ELP2: variants seen among roughly 807,000 people sequenced by gnomAD.
The protein encoded by ELP2 is elongator acetyltransferase complex subunit 2.
ELP2 carries 90 observed loss-of-function variants against 119.2 expected under a neutral mutation model. The ratio of observed to expected loss-of-function variants is 0.75; its 90% CI spans 0.64 to 0.90. The LOEUF (loss-of-function observed/expected upper bound fraction) is 0.90. Ranked by LOEUF, ELP2 falls within the 40% of genes least tolerant of loss-of-function variation. The pLI is 0.00. For synonymous variants in ELP2, 339 were observed against 331.0 expected (o/e 1.02, Z -0.26); for missense variants, 921 against 967.8 (o/e 0.95, Z 0.64).
chr18:36,172,172 T>G (rs2091100819), intron 21 of ELP2, among the ~76,000 whole-genome samples: 1 of 152,048 alleles, frequency 6.6e-6, no homozygotes, highest in Non-Finnish European at 1.5e-5. Context: ...GAGGGTGAAG[T>G]GGGAGGATCA....
intron 21 of ELP2, among the ~76,000 whole-genome samples, chr18:36,171,590 T>C (rs1369344501): frequency 6.6e-6 from 1 of 152,238 alleles, no homozygotes; most frequent in Non-Finnish European, 1.5e-5. Context: ...ATAGCAAGGC[T>C]CATGCCCTGG....
chr18:36,159,149 G>A (rs1311746889), intron 14 of ELP2, among the ~76,000 whole-genome samples: 1 of 139,040 alleles, frequency 7.2e-6, no homozygotes, highest in African/African-American at 2.7e-5. Flanking sequence ...GTCTTGCTCT[G>A]TCACCCAGGC....
Position 36,142,880 on chromosome 18 carries a change from A to C in ELP2, c.710A>C (p.Lys237Thr). Residue 237 changes from lysine to threonine, a missense_variant, in exon 8 of 22, where the codon AAG becomes ACG. Coordinates refer to ENST00000358232, the MANE Select transcript of ELP2 (RefSeq NM_018255.4). ...CSQDCLIRIW[K>T]LYIKSTSLET... ...CAAGATTGCCTGATAAGAATATGGA[A>C]GCTGTATATAAAGTCAACATCTTTA... 6.2e-7 allele frequency: 1 copy of C among 1,605,330 alleles called. No homozygotes were observed. Among genetic ancestry groups the C allele is most frequent in the South Asian group, 1.1e-5 (1 of 90,446 alleles).
rs1269145293 is a variant in ELP2 at position 36,156,499 on chromosome 18, C to T, written c.1309C>T (p.His437Tyr). 2.5e-6 allele frequency: 4 copies of T among 1,613,964 alleles called. No individual in the cohort carries two copies. Among genetic ancestry groups the T allele is most frequent in the Non-Finnish European group, 3.4e-6 (4 of 1,180,000 alleles). Residue 437 changes from histidine (H) to tyrosine (Y), a missense_variant, in exon 13 of 22, where the codon CAT (histidine) becomes TAT (tyrosine). Physicochemically the swap from His to Tyr is moderately conservative, Grantham distance 83. Transcript: ENST00000358232. ...GCATGAAATTGCAAGGCCTCAGATA[C>T]ATGGGTATGACCTGAAATGTTTGGC... ...TWHEIARPQIHGYDLKCLAMI... is the reference protein window; with the variant it reads ...TWHEIARPQIYGYDLKCLAMI...
rs1344256818 is a variant in ELP2 at position 36,174,510 on chromosome 18, A to T, written c.2350A>T (p.Lys784Ter). The T allele has an allele frequency of 1.2e-6, 2 of 1,614,126 alleles. No homozygotes were observed. Among genetic ancestry groups the T allele is most frequent in the African/African-American group, 2.7e-5 (2 of 75,040 alleles). ...CCAAAGTCATACACTGGCTATCAGAAAATTATGCTGGAAGAATTGCAGTGG... is the reference window on the plus strand; with the variant it reads ...CCAAAGTCATACACTGGCTATCAGATAATTATGCTGGAAGAATTGCAGTGG... Reference protein sequence around the residue: ...QSQSHTLAIRKLCWKNCSGKT... With the variant: ...QSQSHTLAIR Residue 784 changes from lysine to a stop codon, truncating the protein, a stop_gained, in exon 22 of 22, where the codon AAA (lysine) becomes TAA (stop). Coordinates refer to ENST00000358232, the MANE Select transcript of ELP2 (RefSeq NM_018255.4). LOFTEE classifies it high-confidence loss of function.
At chr18:36,149,423 G>A (rs754407688) in intron 11 of ELP2, among the ~76,000 whole-genome samples, 30 of 149,796 alleles carry the variant, frequency 2.0e-4, no homozygotes, top group Non-Finnish European at 3.1e-4. Context: ...ACCCATTCCC[G>A]TCATGCCTTA....
intron 21 of ELP2, among the ~76,000 whole-genome samples, chr18:36,173,443 G>C (rs983870379): frequency 6.6e-6 from 1 of 152,090 alleles, no homozygotes; most frequent in Non-Finnish European, 1.5e-5. Flanking sequence ...CTTACTTCCA[G>C]GTGCTTTCAA....
chr18:36,142,678 A>G, intron 7 of ELP2, 148 bp from the exon 8 acceptor site: 2 of 623,260 alleles, frequency 3.2e-6, no homozygotes, highest in East Asian at 2.8e-5. Flanking sequence ...AAAAATGAAT[A>G]TAGATCAAAT....
intron 16 of ELP2, 124 bp downstream of exon 16, chr18:36,160,139 A>G (rs947831798): frequency 1.2e-5 from 10 of 843,510 alleles, no homozygotes; most frequent in East Asian, 2.6e-5. Flanking sequence ...CCTCTTCTAT[A>G]TATCTCTTAG....
chr18:36,170,258 C>T lies in ELP2; in HGVS notation c.2210+62C>T, dbSNP rs1295505976. 8 of 1,578,554 alleles carry T rather than the reference C, an allele frequency of 5.1e-6. No individual in the cohort carries two copies. In the African/African-American group the frequency reaches 9.4e-5, roughly 19 times the overall value. ...ACTTGGTTTCTTAATATGTAGCCCTCATGTCATTTCATTTGTGAATTCTCC... is the reference window on the plus strand; with the variant it reads ...ACTTGGTTTCTTAATATGTAGCCCTTATGTCATTTCATTTGTGAATTCTCC... On this transcript the variant is annotated intron_variant, in intron 20 of 21. Transcript: ENST00000358232.
intron 8 of ELP2, 84 bp downstream of exon 8, chr18:36,143,050 A>G (rs1482349904): frequency 1.1e-6 from 1 of 939,466 alleles, no homozygotes; most frequent in Non-Finnish European, 1.6e-6. Flanking sequence ...ACCTATGTGA[A>G]GGATAGTTTT....
At chr18:36,168,890 CCACTT>C (rs1441323781) in intron 19 of ELP2, among the ~76,000 whole-genome samples, 4 of 146,306 alleles carry the variant, frequency 2.7e-5, no homozygotes, top group South Asian at 2.2e-4. Flanking sequence ...CTACTGTTGT[CCACTT>C]CACTTCTCTC....
intron 11 of ELP2, among the ~76,000 whole-genome samples, chr18:36,147,771 A>G (rs1466197917): frequency 1.3e-5 from 2 of 152,194 alleles, no homozygotes; most frequent in African/African-American, 4.8e-5. Flanking sequence ...TTTATATGAT[A>G]TGCAAAACAA....
intron 12 of ELP2, 29 bp downstream of exon 12, chr18:36,155,028 T>A (rs1300268413): frequency 6.3e-7 from 1 of 1,586,644 alleles, no homozygotes; most frequent in South Asian, 1.1e-5. Flanking sequence ...TTATTTATTT[T>A]TTCTTGGGAC....
Position 36,177,350 on chromosome 18 carries a change from G to A in ELP2, c.*2709G>A, listed in dbSNP as rs2091249000. On this transcript the variant is annotated 3_prime_UTR_variant, in exon 22 of 22. Transcript: ENST00000358232. Reference sequence around the variant, plus strand: ...CTAAAAGGAAGATACGCTGACATGTGCTGCAACATGGATGAATCTTGAGGA... The same window carrying A: ...CTAAAAGGAAGATACGCTGACATGTACTGCAACATGGATGAATCTTGAGGA... 6.6e-6 allele frequency: 1 copy of A among 152,218 alleles called. No individual in the cohort carries two copies. Among genetic ancestry groups the A allele is most frequent in the Non-Finnish European group, 1.5e-5 (1 of 68,060 alleles). 9.4% of individuals were successfully genotyped at this position (152,218 alleles called of 1,614,324 possible).
At chr18:36,173,910 G>A (rs980334779) in intron 21 of ELP2, among the ~76,000 whole-genome samples, 4 of 152,154 alleles carry the variant, frequency 2.6e-5, no homozygotes, top group Non-Finnish European at 5.9e-5. Context: ...GGGCTGGGGA[G>A]GTAGGGGGTA....
At position 36,142,190 on chromosome 18, in the gene ELP2, G is replaced by A. The variant is rs192026661; in HGVS notation, c.589-91G>A. 692 of 993,228 alleles carry A rather than the reference G, an allele frequency of 7.0e-4. 4 individuals are homozygous for A. The African/African-American group carries it at 9.2e-3, about 13-fold the overall frequency. The allele number at this position is 993,228 out of a possible 1,614,324, so 61.5% of individuals were successfully genotyped here. The stretch of plus-strand genomic sequence containing the variant: ...ATAGTGTTCTCAGTAAAAGAGCAAC[G>A]CAGTAGGACTGTCTGAGACCAAATG... On this transcript the variant is annotated intron_variant, in intron 6 of 21. Transcript: ENST00000358232.
intron 19 of ELP2, among the ~76,000 whole-genome samples, chr18:36,168,921 T>C (rs929053282): frequency 1.5e-5 from 2 of 130,766 alleles, no homozygotes; most frequent in Non-Finnish European, 3.2e-5. Context: ...TTCTTTTTTT[T>C]TTTTTTTTTT....
rs762626883 is a variant in ELP2, at chr18:36,138,354, G to T, written c.373G>T (p.Ala125Ser). The change falls in exon 4 of 22, where the codon GCA (alanine) becomes TCA (serine). Residue 125 changes from alanine to serine, a missense_variant. Physicochemically the swap from Ala to Ser is moderately conservative, Grantham distance 99 (BLOSUM62 1). Coordinates refer to ENST00000358232, the MANE Select transcript of ELP2 (RefSeq NM_018255.4). Reference sequence around the variant, plus strand: ...TTACCAGAGGAGGACATCAGATCCTGCATTATGTACACTGATCGTTTCTGC... The same window carrying T: ...TTACCAGAGGAGGACATCAGATCCTTCATTATGTACACTGATCGTTTCTGC... ...AVYQRRTSDP[A>S]LCTLIVSAAA... 1 of 1,614,068 alleles carries T rather than the reference G, an allele frequency of 6.2e-7. No homozygotes were observed. Among genetic ancestry groups the T allele is most frequent in the Non-Finnish European group, 8.5e-7 (1 of 1,179,970 alleles).
Sources: gnomAD v4.1 joint callset for allele counts (sites outside exome capture counted in the v4.1 genomes callset) on GRCh38, gnomAD v4.1.1 for gene constraint, MANE v1.5 for transcripts, NCBI Gene and HGNC (gene_info 2026-07-23, HGNC 2026-07-21) for gene names.